CFAP20DC: variants seen among roughly 807,000 people sequenced by gnomAD.
The protein encoded by CFAP20DC is CFAP20 domain containing, also known as protein CFAP20DC.
A neutral mutation model predicts 101.7 loss-of-function variants in CFAP20DC; 84 were observed. The observed-to-expected ratio is 0.83, with a 90% confidence interval of 0.69 to 0.99. The LOEUF (loss-of-function observed/expected upper bound fraction) is 0.99, where lower values mean the gene tolerates loss of function less well. Among genes scored for constraint, CFAP20DC ranks in the 50% least tolerant of loss-of-function variants. CFAP20DC has a pLI of 0.00. For missense variants in CFAP20DC, 1,007 were observed against 970.3 expected (o/e 1.04, Z -0.50); for synonymous variants, 359 against 351.2 (o/e 1.02, Z -0.25).
intron 16 of CFAP20DC, among the ~76,000 whole-genome samples, chr3:58,745,835 A>G (rs1330023528): frequency 2.6e-5 from 4 of 152,188 alleles, no homozygotes; most frequent in African/African-American, 9.7e-5. Context: ...CATTTCTACC[A>G]TATCACAGCT....
intron 6 of CFAP20DC, among the ~76,000 whole-genome samples, chr3:58,890,460 G>A (rs567742857): frequency 6.3e-4 from 90 of 143,560 alleles, no homozygotes; most frequent in Non-Finnish European, 9.6e-4. Flanking sequence ...CGTCCCTCCC[G>A]GACGGGGCGG....
intron 14 of CFAP20DC, among the ~76,000 whole-genome samples, chr3:58,817,811 G>A (rs1575746278): frequency 1.3e-5 from 2 of 152,116 alleles, no homozygotes; most frequent in African/African-American, 2.4e-5. Context: ...TACTCCTCAA[G>A]AAGAGCAACT....
At chr3:58,719,008 C>T (rs1386745198) in intron 3 of CFAP20DC, among the ~76,000 whole-genome samples, 1 of 151,932 alleles carries the variant, frequency 6.6e-6, no homozygotes, top group Non-Finnish European at 1.5e-5. Context: ...TTTGGGAGGC[C>T]AAGGAAGGAG....
In CFAP20DC at chr3:58,927,116, A is replaced by C. The variant is rs543056648; in HGVS notation, c.393+10532T>G. ...TCTTGCCATTGAAAACCCAAGTTAA[A>C]AGCATAAATTATTATAACTTAAATA... On this transcript the variant is annotated intron_variant, in intron 5 of 16. Coordinates refer to ENST00000482387, the MANE Select transcript of CFAP20DC (RefSeq NM_001394063.1). Among the ~76,000 whole-genome samples the C allele has an allele frequency of 2.0e-5, 3 of 152,320 alleles. No homozygotes were observed. The South Asian group carries it at 6.2e-4, about 32-fold the overall frequency.
downstream of CFAP20DC, among the ~76,000 whole-genome samples, chr3:58,740,732 C>A (rs551916143): frequency 6.6e-6 from 1 of 152,038 alleles, no homozygotes. This position sits in a 1 kb window ranked among gnomAD's most constrained non-coding sequence, Gnocchi z 4.6. Flanking sequence ...TTTATAACTA[C>A]AAGTCTTCAC....
At chr3:59,024,902 T>C (rs1373793747) in intron 4 of CFAP20DC, among the ~76,000 whole-genome samples, 2 of 152,142 alleles carry the variant, frequency 1.3e-5, no homozygotes, top group Non-Finnish European at 2.9e-5. Flanking sequence ...CAAAGAAACA[T>C]ATCTACTTGG....
At chr3:58,906,733 C>A (rs1325263123) in intron 6 of CFAP20DC, among the ~76,000 whole-genome samples, 1 of 152,024 alleles carries the variant, frequency 6.6e-6, no homozygotes, top group African/African-American at 2.4e-5. Flanking sequence ...TCAAGACCAG[C>A]CTAGGGAACA....
In CFAP20DC at chr3:59,046,218, A is replaced by AT; in HGVS notation, c.205+10dup. On this transcript the variant is annotated intron_variant, in intron 3 of 16. Transcript: ENST00000482387. ...AAAATGTTAAGTTTCAATATTAAAA[A>AT]TATTACTTACGGCTTTGCTTATTCT... The AT allele has an allele frequency of 6.6e-7, 1 of 1,514,228 alleles. No individual in the cohort carries two copies. Among genetic ancestry groups the AT allele is most frequent in the Non-Finnish European group, 8.9e-7 (1 of 1,129,764 alleles). 93.8% of individuals were successfully genotyped at this position (1,514,228 alleles called of 1,614,324 possible).
intron 6 of CFAP20DC, among the ~76,000 whole-genome samples, chr3:58,907,261 C>T (rs376514492): frequency 2.6e-5 from 4 of 152,094 alleles, no homozygotes; most frequent in African/African-American, 9.7e-5. Context: ...TTTTCTTAAC[C>T]TGACAGGTCT....
intron 3 of CFAP20DC, among the ~76,000 whole-genome samples, chr3:58,731,493 A>G (rs930100661): frequency 2.0e-5 from 3 of 152,216 alleles, no homozygotes; most frequent in Non-Finnish European, 4.4e-5. Context: ...TCAGGATGCT[A>G]GGTTACTATA....
chr3:58,990,182 A>T (rs2092893245), intron 4 of CFAP20DC, among the ~76,000 whole-genome samples: 1 of 152,208 alleles, frequency 6.6e-6, no homozygotes, highest in South Asian at 2.1e-4. Flanking sequence ...AGAAATTAAC[A>T]ACTCCAAAGA....
At chr3:58,807,597 T>C (rs905710114) in intron 14 of CFAP20DC, among the ~76,000 whole-genome samples, 4 of 151,916 alleles carry the variant, frequency 2.6e-5, no homozygotes, top group East Asian at 1.9e-4. Context: ...CAAAAGTAGA[T>C]AAAACCACAA....
chr3:58,914,349 T>C lies in CFAP20DC; in HGVS notation c.394-485A>G, dbSNP rs993716868. Reference sequence around the variant, plus strand: ...GCTGTCTACTTATAACCAATTAACCTATTGTACGGAAACAGATTCTTCTAA... The same window carrying C: ...GCTGTCTACTTATAACCAATTAACCCATTGTACGGAAACAGATTCTTCTAA... On this transcript the variant is annotated intron_variant, in intron 5 of 16. Transcript: ENST00000482387. This position sits in a 1 kb window ranked among gnomAD's most constrained non-coding sequence, Gnocchi z 4.9. 3.9e-5 allele frequency among the ~76,000 whole-genome samples: 6 copies of C among 152,198 alleles called. No individual in the cohort carries two copies. Among genetic ancestry groups the C allele is most frequent in the Non-Finnish European group, 8.8e-5 (6 of 68,024 alleles).
At chr3:59,005,791 T>C (rs1168270912) in intron 4 of CFAP20DC, among the ~76,000 whole-genome samples, 2 of 152,218 alleles carry the variant, frequency 1.3e-5, no homozygotes, top group African/African-American at 4.8e-5. Context: ...GACTACATTA[T>C]TTGCGAACTA....
intron 15 of CFAP20DC, among the ~76,000 whole-genome samples, chr3:58,792,227 T>C (rs2072916216): frequency 6.6e-6 from 1 of 152,198 alleles, no homozygotes; most frequent in Non-Finnish European, 1.5e-5. Flanking sequence ...AAAATATAAC[T>C]TGAATCATAA....
chr3:58,959,999 T>C (rs541791423), intron 4 of CFAP20DC, among the ~76,000 whole-genome samples: 1 of 152,356 alleles, frequency 6.6e-6, no homozygotes, highest in Admixed American at 6.5e-5. Flanking sequence ...TCAGTTGTGA[T>C]AAGCTTCTGC....
chr3:58,835,550 T>C (rs2076679134), intron 13 of CFAP20DC, among the ~76,000 whole-genome samples: 1 of 152,216 alleles, frequency 6.6e-6, no homozygotes, highest in Non-Finnish European at 1.5e-5. Context: ...TGCCAGGCAC[T>C]GCTGATGCTA....
chr3:59,031,978 C>T (rs2094003848), intron 4 of CFAP20DC, among the ~76,000 whole-genome samples: 1 of 152,154 alleles, frequency 6.6e-6, no homozygotes, highest in South Asian at 2.1e-4. Flanking sequence ...GTAATTTCTG[C>T]ATTTCCAACT....
chr3:58,925,697 C>A (rs1184354986), intron 5 of CFAP20DC, among the ~76,000 whole-genome samples: 3 of 152,196 alleles, frequency 2.0e-5, no homozygotes, highest in Non-Finnish European at 4.4e-5. Context: ...ATCCTAACAA[C>A]TGGTCTATTA....
Sources: gnomAD v4.1 joint callset for allele counts (sites outside exome capture counted in the v4.1 genomes callset) on GRCh38, gnomAD v4.1.1 for gene constraint, Gnocchi (gnomAD v3.1) non-coding constraint, MANE v1.5 for transcripts, NCBI Gene and HGNC (gene_info 2026-07-23, HGNC 2026-07-21) for gene names.